Variants in TRAK2 observed in about 807,000 individuals in gnomAD.
The protein encoded by TRAK2 is trafficking kinesin protein 2.
TRAK2 carries 81 observed loss-of-function variants against 104.6 expected under a neutral mutation model. That is an observed-to-expected ratio of 0.77 (90% confidence interval 0.65 to 0.93). The LOEUF (loss-of-function observed/expected upper bound fraction) is 0.93, where lower values mean the gene tolerates loss of function less well. Among genes scored for constraint, TRAK2 ranks in the 40% least tolerant of loss-of-function variants. The pLI is 0.00. For synonymous variants in TRAK2, 406 were observed against 394.4 expected, an observed-to-expected ratio of 1.03 and a Z score of -0.35; for missense variants, 1,002 against 1,089.0, an observed-to-expected ratio of 0.92 and a Z score of 1.12.
At chr2:201,439,922 T>G (rs1326154916) in intron 1 of TRAK2, among the ~76,000 whole-genome samples, 1 of 109,716 alleles carries the variant, frequency 9.1e-6, no homozygotes, top group African/African-American at 3.6e-5. Flanking sequence ...CATCACACTC[T>G]GGGGACTGTT....
intron 3 of TRAK2, among the ~76,000 whole-genome samples, chr2:201,404,630 T>G (rs1951577657): frequency 6.6e-6 from 1 of 152,246 alleles, no homozygotes; most frequent in African/African-American, 2.4e-5. Context: ...CATTCTAATA[T>G]CTGTCATTTA....
In TRAK2 at chr2:201,413,135, C is replaced by T; in HGVS notation, c.92-5538G>A. ...TTATCAAAGACAAAAACAGCCACTG[C>T]TTTGTTGACTTTTTTGTGCCATTAA... On this transcript the variant is annotated intron_variant, in intron 2 of 15. Coordinates refer to ENST00000332624, the MANE Select transcript of TRAK2 (RefSeq NM_015049.3). 3 of 1,372,778 alleles carry T rather than the reference C, an allele frequency of 2.2e-6. No homozygotes were observed. The Admixed American group carries it at 5.9e-5, about 27-fold the overall frequency. The allele number at this position is 1,372,778 out of a possible 1,614,324, so 85.0% of individuals were successfully genotyped here.
intron 3 of TRAK2, 60 bp downstream of exon 3, chr2:201,407,343 C>T (rs866081433): frequency 2.8e-6 from 4 of 1,445,910 alleles, no homozygotes; most frequent in Middle Eastern, 2.1e-4. Context: ...AAAATCAATA[C>T]CAAGATACCC....
At chr2:201,408,636 T>C (rs1951617597) in intron 2 of TRAK2, among the ~76,000 whole-genome samples, 1 of 152,228 alleles carries the variant, frequency 6.6e-6, no homozygotes, top group Non-Finnish European at 1.5e-5. Context: ...GCCTGCTGAA[T>C]TTTTAAAAGT....
At position 201,389,628 on chromosome 2, in the gene TRAK2, AAAATAAGCTTTC is replaced by A. The variant is rs1158974260; in HGVS notation, c.1194-137_1194-126del. Reference sequence around the variant, plus strand: ...GGAGCTATTTAGGAGAAATCATCAGAAAATAAGCTTTCAAACAAGAGAACTCTCTCACAAAAA... The same window carrying A: ...GGAGCTATTTAGGAGAAATCATCAGAAAACAAGAGAACTCTCTCACAAAAA... On this transcript the variant is annotated intron_variant, in intron 11 of 15. Coordinates refer to ENST00000332624, the MANE Select transcript of TRAK2 (RefSeq NM_015049.3). 8.9e-6 allele frequency: 10 copies of A among 1,118,606 alleles called. No individual in the cohort carries two copies. In the Admixed American group the frequency reaches 1.8e-4, roughly 20 times the overall value. 69.3% of individuals were successfully genotyped at this position (1,118,606 alleles called of 1,614,324 possible).
chr2:201,388,316 G>A (rs7561048), intron 12 of TRAK2, among the ~76,000 whole-genome samples: 87,736 of 151,858 alleles, frequency 0.58, 26,448 homozygotes, highest in South Asian at 0.68. Context: ...AGGTGGTCAC[G>A]AAAGTAAATA....
chr2:201,387,644 A>G (rs1951403677), intron 13 of TRAK2, 59 bp downstream of exon 13: 10 of 1,473,022 alleles, frequency 6.8e-6, no homozygotes, highest in African/African-American at 1.4e-5. Flanking sequence ...TCTCAATTCC[A>G]GGGAAAGGAA....
At chr2:201,427,639 C>G (rs762392058) in intron 1 of TRAK2, among the ~76,000 whole-genome samples, 7 of 152,154 alleles carry the variant, frequency 4.6e-5, no homozygotes, top group African/African-American at 7.2e-5. Context: ...CATACACGTG[C>G]ATGTGTCTGT....
chr2:201,410,759 G>A, intron 2 of TRAK2: 2 of 1,583,236 alleles, frequency 1.3e-6, no homozygotes, highest in Non-Finnish European at 1.7e-6. Context: ...TTTGGTTTCT[G>A]TTGTGATAAT....
At chr2:201,423,084 C>CACACACAT (rs1226690609) in intron 1 of TRAK2, among the ~76,000 whole-genome samples, 1 of 144,810 alleles carries the variant, frequency 6.9e-6, no homozygotes, top group Admixed American at 7.0e-5. Flanking sequence ...CACACACACA[C>CACACACAT]GAGACAGAGT....
intron 1 of TRAK2, among the ~76,000 whole-genome samples, chr2:201,428,685 T>C (rs1279354581): frequency 1.3e-5 from 2 of 152,226 alleles, no homozygotes; most frequent in African/African-American, 4.8e-5. Flanking sequence ...TTTAAAGTAG[T>C]TTTTTCCAAT....
At chr2:201,445,457 T>C (rs1951957757) in intron 1 of TRAK2, among the ~76,000 whole-genome samples, 1 of 152,232 alleles carries the variant, frequency 6.6e-6, no homozygotes, top group Non-Finnish European at 1.5e-5. Context: ...TCTAATGATC[T>C]GGATTAGATC....
chr2:201,410,769 T>C (rs989556794), intron 2 of TRAK2: 20 of 1,594,606 alleles, frequency 1.3e-5, no homozygotes, highest in African/African-American at 8.1e-5. Flanking sequence ...GTTGTGATAA[T>C]TGGTTCATGC....
chr2:201,394,428 A>G (rs1157957576), intron 9 of TRAK2, among the ~76,000 whole-genome samples: 5 of 145,788 alleles, frequency 3.4e-5, no homozygotes, highest in South Asian at 2.1e-4. Flanking sequence ...TGCAATCTCT[A>G]CCTCCTGGGT....
intron 2 of TRAK2, among the ~76,000 whole-genome samples, chr2:201,409,552 C>A (rs1445742222): frequency 6.6e-6 from 1 of 152,150 alleles, no homozygotes; most frequent in Non-Finnish European, 1.5e-5. Context: ...AAATACATTA[C>A]CATTTGAGGC....
chr2:201,450,488 T>A (rs574882081), intron 1 of TRAK2, among the ~76,000 whole-genome samples: 1 of 152,244 alleles, frequency 6.6e-6, no homozygotes, highest in South Asian at 2.1e-4. Context: ...CTTTCTCACC[T>A]CCAAATGTCC....
intron 1 of TRAK2, among the ~76,000 whole-genome samples, chr2:201,421,043 G>T (rs560695567): frequency 6.6e-6 from 1 of 152,090 alleles, no homozygotes; most frequent in Non-Finnish European, 1.5e-5. Context: ...TTACAAATGC[G>T]TATCAAAAGT....
intron 15 of TRAK2, among the ~76,000 whole-genome samples, chr2:201,382,997 T>C (rs1951357074): frequency 6.6e-6 from 1 of 152,210 alleles, no homozygotes; most frequent in Non-Finnish European, 1.5e-5. Context: ...AAAGTAATTA[T>C]AGTAGTTATC....
In TRAK2 at chr2:201,377,251, C is replaced by T. The variant is rs921244118; in HGVS notation, c.*3292G>A. ...TGTTTATTAACTGATCTACATTTGA[C>T]AAAACAAAGATAGGGGCACAAAGAG... On this transcript the variant is annotated 3_prime_UTR_variant, in exon 16 of 16. Transcript: ENST00000332624. 1.3e-5 allele frequency: 2 copies of T among 152,142 alleles called. No homozygotes were observed. The highest frequency in any genetic ancestry group is 4.8e-5 in the African/African-American group (2 of 41,428). The allele number at this position is 152,142 out of a possible 1,614,324, so 9.4% of individuals were successfully genotyped here.
Sources: gnomAD v4.1 joint callset for allele counts (sites outside exome capture counted in the v4.1 genomes callset) on GRCh38, gnomAD v4.1.1 for gene constraint, MANE v1.5 for transcripts, NCBI Gene and HGNC (gene_info 2026-07-23, HGNC 2026-07-21) for gene names.